Variants in SLC35A1 observed in about 807,000 individuals in gnomAD.
SLC35A1 encodes solute carrier family 35 member A1, also known as CMP-sialic acid transporter.
SLC35A1 carries 21 observed loss-of-function variants against 40.3 expected under a neutral mutation model. That is an observed-to-expected ratio of 0.52 (90% confidence interval 0.37 to 0.75). The LOEUF (loss-of-function observed/expected upper bound fraction) is 0.75. Ranked by LOEUF, SLC35A1 falls within the 30% of genes least tolerant of loss-of-function variation. SLC35A1 has a pLI of 0.00. For missense variants in SLC35A1, 297 were observed against 382.1 expected (o/e 0.78, Z 1.86); for synonymous variants, 146 against 147.3 (o/e 0.99, Z 0.06).
chr6:87,503,687 G>A (rs374714205), intron 4 of SLC35A1, among the ~76,000 whole-genome samples: 6 of 152,094 alleles, frequency 3.9e-5, no homozygotes, highest in Admixed American at 2.0e-4. Context: ...ACACCAGCTC[G>A]AGTGATAGTG....
intron 2 of SLC35A1, among the ~76,000 whole-genome samples, chr6:87,491,809 T>C (rs1769559786): frequency 6.6e-6 from 1 of 152,206 alleles, no homozygotes; most frequent in African/African-American, 2.4e-5. Context: ...GAGAGAGAGA[T>C]GGCTCTGGCC....
chr6:87,497,432 C>G (rs1316000753), intron 2 of SLC35A1, among the ~76,000 whole-genome samples: 1 of 152,184 alleles, frequency 6.6e-6, no homozygotes, highest in African/African-American at 2.4e-5. Context: ...AAGGTTAATC[C>G]TGACGCACTG....
intron 2 of SLC35A1, among the ~76,000 whole-genome samples, chr6:87,490,301 C>A (rs2127968871): frequency 6.6e-6 from 1 of 150,698 alleles, no homozygotes; most frequent in Non-Finnish European, 1.5e-5. Flanking sequence ...TACAGACTTG[C>A]TTCAGTGAAG....
intron 7 of SLC35A1, among the ~76,000 whole-genome samples, chr6:87,510,409 T>A (rs990344697): frequency 5.3e-5 from 8 of 152,178 alleles, no homozygotes; most frequent in Non-Finnish European, 1.0e-4. Flanking sequence ...GTCTTAGCAA[T>A]CTTTCAGTTA....
At chr6:87,484,758 G>A (rs1285642537) in intron 2 of SLC35A1, among the ~76,000 whole-genome samples, 1 of 152,258 alleles carries the variant, frequency 6.6e-6, no homozygotes, top group Admixed American at 6.5e-5. Context: ...AGAGTGGAGA[G>A]GGTAATCGGA....
At chr6:87,498,908 A>AT (rs918957417) in intron 2 of SLC35A1, among the ~76,000 whole-genome samples, 2 of 152,198 alleles carry the variant, frequency 1.3e-5, no homozygotes, top group African/African-American at 4.8e-5. Flanking sequence ...TCCTACATAG[A>AT]TTTTTTGGTG....
At chr6:87,474,568 A>G (rs2127961469) in intron 1 of SLC35A1, among the ~76,000 whole-genome samples, 1 of 152,340 alleles carries the variant, frequency 6.6e-6, no homozygotes, top group Admixed American at 6.5e-5. Flanking sequence ...TGAAGTGATT[A>G]CATATGGACT....
chr6:87,504,682 T>C (rs2127976073), intron 4 of SLC35A1, among the ~76,000 whole-genome samples: 1 of 152,338 alleles, frequency 6.6e-6, no homozygotes, highest in Non-Finnish European at 1.5e-5. Flanking sequence ...CCATCACATC[T>C]ACTTCATCAC....
At chr6:87,477,943 T>TGGCCCTTA (rs1281181676) in intron 2 of SLC35A1, among the ~76,000 whole-genome samples, 3 of 152,222 alleles carry the variant, frequency 2.0e-5, no homozygotes, top group Admixed American at 2.0e-4. Flanking sequence ...ATTTACTGTT[T>TGGCCCTTA]GGCCCTTACA....
chr6:87,500,492 C>G lies in SLC35A1; in HGVS notation c.195-16C>G, dbSNP rs1312719648. 8 of 1,613,596 alleles carry G rather than the reference C, an allele frequency of 5.0e-6. No individual in the cohort carries two copies. The Middle Eastern group carries it at 4.9e-4, about 100-fold the overall frequency. ...CTTCCTTACCACCCTCTCATCTCCC[C>G]CTTTTGTTTTCAAAGAGAAACTGGT... On this transcript the variant is annotated splice_polypyrimidine_tract_variant and intron_variant, in intron 2 of 7. Transcript: ENST00000369552.
At chr6:87,501,819 A>G (rs1769931092) in intron 4 of SLC35A1, among the ~76,000 whole-genome samples, 2 of 152,204 alleles carry the variant, frequency 1.3e-5, no homozygotes, top group African/African-American at 4.8e-5. Context: ...GTTCTTACTG[A>G]TAATTGATAA....
At chr6:87,482,848 TG>T (rs61295812) in intron 2 of SLC35A1, among the ~76,000 whole-genome samples, 90,862 of 152,044 alleles carry the variant, frequency 0.6, 27,901 homozygotes, top group African/African-American at 0.73. Context: ...ACTTCTGAAC[TG>T]GGTGAGGTGT....
At position 87,511,821 on chromosome 6, in the gene SLC35A1, T is replaced by C; in HGVS notation, c.*295T>C. 1 of 395,996 alleles carries C rather than the reference T, an allele frequency of 2.5e-6. No homozygotes were observed. 24.5% of individuals were successfully genotyped at this position (395,996 alleles called of 1,614,324 possible). A position where few individuals can be genotyped will look rare whatever the true frequency, so the allele number is the denominator to read the frequency against. On this transcript the variant is annotated 3_prime_UTR_variant, in exon 8 of 8. Coordinates refer to ENST00000369552, the MANE Select transcript of SLC35A1 (RefSeq NM_006416.5). Reference sequence around the variant, plus strand: ...GGAGATGATACGGTGTTAAAAAAAATCATGGTAAGGCTACAATACTCAAGT... The same window carrying C: ...GGAGATGATACGGTGTTAAAAAAAACCATGGTAAGGCTACAATACTCAAGT...
At chr6:87,480,591 A>G (rs995938013) in intron 2 of SLC35A1, among the ~76,000 whole-genome samples, 20 of 152,270 alleles carry the variant, frequency 1.3e-4, no homozygotes, top group African/African-American at 4.6e-4. Flanking sequence ...GGTTTGTGAA[A>G]GGGGCAGTTG....
chr6:87,493,468 G>T (rs1329527221), intron 2 of SLC35A1, among the ~76,000 whole-genome samples: 1 of 128,750 alleles, frequency 7.8e-6, no homozygotes, highest in Non-Finnish European at 1.7e-5. Context: ...CTAGTTGTGT[G>T]TGTGTGTGTG....
chr6:87,473,188 A>C (rs1768967765), intron 1 of SLC35A1, among the ~76,000 whole-genome samples, 169 bp downstream of exon 1: 1 of 152,178 alleles, frequency 6.6e-6, no homozygotes, highest in Admixed American at 6.5e-5. Flanking sequence ...CAGTCAGGGC[A>C]GCCTGCCTTC....
intron 1 of SLC35A1, among the ~76,000 whole-genome samples, chr6:87,475,093 A>G (rs929911720): frequency 5.9e-5 from 9 of 152,168 alleles, no homozygotes; most frequent in Admixed American, 5.9e-4. Context: ...GAAGGGCTGG[A>G]TAGTCTCTTG....
chr6:87,473,081 C>T (rs1768963372), intron 1 of SLC35A1, 62 bp downstream of exon 1: 7 of 441,714 alleles, frequency 1.6e-5, no homozygotes, highest in African/African-American at 6.1e-5. Context: ...CGAGCATCTG[C>T]GCTGGTCAGC....
At chr6:87,508,891 G>T in intron 6 of SLC35A1, 150 bp from the exon 7 acceptor site, 1 of 826,002 alleles carries the variant, frequency 1.2e-6, no homozygotes. Flanking sequence ...ACCAATTTTA[G>T]TACAAACTCT....
Sources: allele counts gnomAD v4.1 joint callset (sites outside exome capture counted in the v4.1 genomes callset), GRCh38; gene constraint gnomAD v4.1.1; transcripts MANE v1.5; gene names NCBI Gene and HGNC (gene_info 2026-07-23, HGNC 2026-07-21).